FOXP2: variants seen among roughly 807,000 people sequenced by gnomAD.
The protein encoded by FOXP2 is forkhead box P2, also known as forkhead box protein P2.
A neutral mutation model predicts 115.8 loss-of-function variants in FOXP2; 12 were observed. That is an observed-to-expected ratio of 0.10 (90% CI 0.07 to 0.17). The LOEUF is 0.17. FOXP2 is among the 10% of genes least tolerant of loss of function. The pLI, the probability that FOXP2 is intolerant of heterozygous loss-of-function variation, is 1.00. For synonymous variants in FOXP2, 328 were observed against 297.7 expected (o/e 1.10, Z -1.05); for missense variants, 629 against 843.5 (o/e 0.75, Z 3.15).
chr7:114,443,376 A>G (rs1347470174), intron 2 of FOXP2, among the ~76,000 whole-genome samples: 1 of 152,192 alleles, frequency 6.6e-6, no homozygotes, highest in Non-Finnish European at 1.5e-5. Flanking sequence ...ACAAATATGC[A>G]TCTCTTCTCA....
intron 8 of FOXP2, among the ~76,000 whole-genome samples, chr7:114,648,585 A>G (rs1806049584): frequency 6.6e-6 from 1 of 152,092 alleles, no homozygotes; most frequent in Non-Finnish European, 1.5e-5. Flanking sequence ...CATCTATAAA[A>G]CCTTCATTAA....
chr7:114,282,517 C>T (rs550299104), intron 1 of FOXP2, among the ~76,000 whole-genome samples: 1 of 152,296 alleles, frequency 6.6e-6, no homozygotes, highest in African/African-American at 2.4e-5. Flanking sequence ...TTATATCTTA[C>T]TATCTATTCT....
intron 3 of FOXP2, among the ~76,000 whole-genome samples, chr7:114,595,311 G>T (rs1233058287): frequency 6.6e-6 from 1 of 151,744 alleles, no homozygotes; most frequent in Non-Finnish European, 1.5e-5. Context: ...CTATTTTCTA[G>T]AACCGATGAA....
chr7:114,549,669 C>T (rs1213586256), intron 3 of FOXP2, among the ~76,000 whole-genome samples: 1 of 152,094 alleles, frequency 6.6e-6, no homozygotes, highest in African/African-American at 2.4e-5. Context: ...TCAGACCTCT[C>T]ATAATAGGTC....
chr7:114,271,602 A>G (rs938860149), intron 1 of FOXP2, among the ~76,000 whole-genome samples: 3 of 124,260 alleles, frequency 2.4e-5, no homozygotes, highest in Admixed American at 2.0e-4. Flanking sequence ...ATAATATAAT[A>G]TTAATATATA....
At chr7:114,086,472 GC>G (rs200867210), upstream of FOXP2, 12,336 of 336,564 alleles carry the variant, frequency 0.037, 649 homozygotes, top group African/African-American at 0.17. Context: ...GGCTTCCTCG[GC>G]CCCCCCCCTC....
intron 1 of FOXP2, among the ~76,000 whole-genome samples, chr7:114,114,453 G>A (rs1338479152): frequency 6.6e-6 from 1 of 151,974 alleles, no homozygotes; most frequent in Non-Finnish European, 1.5e-5. Context: ...GTCTCTTCCT[G>A]TGAAATTAAA....
intron 1 of FOXP2, among the ~76,000 whole-genome samples, chr7:114,154,111 T>A (rs1296939099): frequency 6.6e-6 from 1 of 152,158 alleles, no homozygotes; most frequent in African/African-American, 2.4e-5. Flanking sequence ...TAGGATAAAG[T>A]TCTTTTATTG....
chr7:114,141,158 C>T (rs545899490), intron 1 of FOXP2, among the ~76,000 whole-genome samples: 1 of 152,200 alleles, frequency 6.6e-6, no homozygotes, highest in Admixed American at 6.5e-5. Flanking sequence ...TACCAGTAAG[C>T]TAAGTCACTC....
chr7:114,304,152 A>C (rs781777128), intron 2 of FOXP2, among the ~76,000 whole-genome samples: 18 of 152,154 alleles, frequency 1.2e-4, no homozygotes, highest in Non-Finnish European at 2.5e-4. Context: ...TTGTGGCCAC[A>C]GAAAGTAGCC....
intron 2 of FOXP2, among the ~76,000 whole-genome samples, chr7:114,389,246 C>A (rs554441879): frequency 6.6e-6 from 1 of 152,132 alleles, no homozygotes; most frequent in Non-Finnish European, 1.5e-5. Flanking sequence ...CATACCAAGA[C>A]AATATGACAC....
At chr7:114,250,041 A>G (rs1056693420) in intron 1 of FOXP2, among the ~76,000 whole-genome samples, 1 of 149,678 alleles carries the variant, frequency 6.7e-6, no homozygotes, top group Non-Finnish European at 1.5e-5. Flanking sequence ...GAGTGAGAAC[A>G]TGCAGTGTTT....
chr7:114,673,873 T>C (rs1323275435), intron 16 of FOXP2, among the ~76,000 whole-genome samples: 1 of 152,194 alleles, frequency 6.6e-6, no homozygotes, highest in Non-Finnish European at 1.5e-5. Flanking sequence ...CTAATTTTTT[T>C]ATATTTTTAG....
chr7:114,410,341 TAAATA>T (rs1317783837), upstream of FOXP2, among the ~76,000 whole-genome samples: 1 of 152,112 alleles, frequency 6.6e-6, no homozygotes, highest in African/African-American at 2.4e-5. Context: ...AGATATTCTG[TAAATA>T]AAGTTTATTA....
chr7:114,676,813 C>G (rs1026239940), intron 16 of FOXP2, among the ~76,000 whole-genome samples: 11 of 152,130 alleles, frequency 7.2e-5, no homozygotes, highest in African/African-American at 2.7e-4. Flanking sequence ...CAATTTTAAT[C>G]TAGTCTAAAA....
chr7:114,411,012 T>C (rs1327140434), upstream of FOXP2, among the ~76,000 whole-genome samples: 1 of 152,100 alleles, frequency 6.6e-6, no homozygotes, highest in Non-Finnish European at 1.5e-5. Flanking sequence ...CATTGCACTC[T>C]CAGCGAACTT....
intron 2 of FOXP2, among the ~76,000 whole-genome samples, chr7:114,328,324 C>T (rs1797612243): frequency 2.0e-5 from 3 of 151,124 alleles, no homozygotes; most frequent in African/African-American, 7.3e-5. Context: ...GCAAGCTCCG[C>T]CTCCTGGATT....
chr7:114,246,315 CAA>C (rs1027883578), intron 1 of FOXP2, among the ~76,000 whole-genome samples: 3 of 151,972 alleles, frequency 2.0e-5, no homozygotes, highest in African/African-American at 7.2e-5. Flanking sequence ...GTGAACCAAA[CAA>C]AATCATCAAA....
At chr7:114,571,992 C>T (rs1393313470) in intron 3 of FOXP2, among the ~76,000 whole-genome samples, 2 of 151,660 alleles carry the variant, frequency 1.3e-5, no homozygotes, top group African/African-American at 4.8e-5. Context: ...ATAATATTTC[C>T]TAATTATAAT....
Sources: gnomAD v4.1 joint callset for allele counts (sites outside exome capture counted in the v4.1 genomes callset) on GRCh38, gnomAD v4.1.1 for gene constraint, MANE v1.5 for transcripts, NCBI Gene and HGNC (gene_info 2026-07-23, HGNC 2026-07-21) for gene names.